EIF4G3: variants seen among roughly 807,000 people sequenced by gnomAD.
The protein encoded by EIF4G3 is eukaryotic translation initiation factor 4 gamma 3, also known as eIF-4-gamma 3.
EIF4G3 carries 34 observed loss-of-function variants against 186.4 expected under a neutral mutation model. That is an observed-to-expected ratio of 0.18 (90% CI 0.14 to 0.24). EIF4G3 has a LOEUF of 0.24. Ranked by LOEUF, EIF4G3 falls within the 10% of genes least tolerant of loss-of-function variation. EIF4G3 has a pLI of 1.00. For missense variants in EIF4G3, 1,536 were observed against 1,948.5 expected (o/e 0.79, Z 3.99); for synonymous variants, 673 against 679.5 (o/e 0.99, Z 0.15).
At position 20,930,044 on chromosome 1, in the gene EIF4G3, A is replaced by G. The variant is rs138024417; in HGVS notation, c.1663+11447T>C. Among the ~76,000 whole-genome samples, 596 of 152,334 alleles carry G rather than the reference A, an allele frequency of 3.9e-3. 5 individuals carry two copies. Among genetic ancestry groups the G allele is most frequent in the African/African-American group, 0.014 (574 of 41,566 alleles). On this transcript the variant is annotated intron_variant, in intron 14 of 36. Coordinates refer to ENST00000602326, the MANE Select transcript of EIF4G3 (RefSeq NM_001391906.1). Reference sequence around the variant, plus strand: ...TTATGTTTCTACTAAACTGTAGTCTATTAAGTGTGAAATAGCATTATGTCT... The same window carrying G: ...TTATGTTTCTACTAAACTGTAGTCTGTTAAGTGTGAAATAGCATTATGTCT...
At chr1:20,891,616 CA>C (rs11343165) in intron 18 of EIF4G3, among the ~76,000 whole-genome samples, 33,426 of 81,686 alleles carry the variant, frequency 0.41, 4,715 homozygotes, top group Non-Finnish European at 0.46. Flanking sequence ...ACTAAAAATA[CA>C]AAAAAAAAAA....
chr1:21,030,933 C>A (rs1323474674), intron 4 of EIF4G3, among the ~76,000 whole-genome samples: 1 of 152,112 alleles, frequency 6.6e-6, no homozygotes, highest in African/African-American at 2.4e-5. Context: ...TGCCTGTAAT[C>A]CCAGCAATTT....
chr1:21,153,382 A>G lies in EIF4G3; in HGVS notation c.-272+22793T>C, dbSNP rs538207854. On this transcript the variant is annotated intron_variant, in intron 2 of 36. Coordinates refer to ENST00000602326, the MANE Select transcript of EIF4G3 (RefSeq NM_001391906.1). ...GTAACATTTATTTTTAATAGCTGAG[A>G]CCATTTGAGAAGGAGGTGAGTTAAA... 5.9e-5 allele frequency among the ~76,000 whole-genome samples: 9 copies of G among 152,336 alleles called. No individual in the cohort carries two copies. In the South Asian group the frequency reaches 1.7e-3, roughly 28 times the overall value.
intron 2 of EIF4G3, among the ~76,000 whole-genome samples, chr1:21,159,502 C>T (rs965378779): frequency 1.3e-5 from 2 of 151,342 alleles, no homozygotes; most frequent in African/African-American, 2.4e-5. Context: ...TTTGGGAGGC[C>T]GAAGCGGGCT....
chr1:20,961,882 T>C (rs2154564708), intron 12 of EIF4G3, among the ~76,000 whole-genome samples: 1 of 152,326 alleles, frequency 6.6e-6, no homozygotes. Flanking sequence ...GTAACCACTA[T>C]TTTTATCGTA....
intron 18 of EIF4G3, 82 bp downstream of exon 18, chr1:20,893,435 G>T: frequency 7.2e-7 from 1 of 1,393,706 alleles, no homozygotes; most frequent in Non-Finnish European, 9.7e-7. Context: ...ACGAATAAAA[G>T]CTGCTGTCTT....
chr1:20,846,942 C>T (rs749810435), intron 29 of EIF4G3, among the ~76,000 whole-genome samples: 1 of 152,158 alleles, frequency 6.6e-6, no homozygotes, highest in Non-Finnish European at 1.5e-5. Context: ...TAATTTGAAT[C>T]ACTGTTAAAA....
At chr1:21,083,240 A>G (rs1430924775) in intron 3 of EIF4G3, among the ~76,000 whole-genome samples, 1 of 151,858 alleles carries the variant, frequency 6.6e-6, no homozygotes, top group Admixed American at 6.6e-5. Flanking sequence ...GACTCTGTTA[A>G]ATAAATAAAT....
chr1:20,938,151 C>A (rs1180107192), intron 14 of EIF4G3, among the ~76,000 whole-genome samples: 1 of 152,102 alleles, frequency 6.6e-6, no homozygotes, highest in African/African-American at 2.4e-5. Context: ...CGCATCACCA[C>A]TCCTGGGTAA....
In EIF4G3 at chr1:20,982,523, A is replaced by G. The variant is rs1173585873; in HGVS notation, c.178-115T>C. 2.1e-5 allele frequency: 13 copies of G among 628,678 alleles called. No individual in the cohort carries two copies. The South Asian group carries it at 3.2e-4, about 15-fold the overall frequency. 38.9% of individuals were successfully genotyped at this position (628,678 alleles called of 1,614,324 possible). On this transcript the variant is annotated intron_variant, in intron 7 of 36. Transcript: ENST00000602326. Reference sequence around the variant, plus strand: ...TGCAGCTCAACAAAAATATCTTTCTATTTAGTAATAATAGGAGAAGAAAGA... The same window carrying G: ...TGCAGCTCAACAAAAATATCTTTCTGTTTAGTAATAATAGGAGAAGAAAGA...
intron 12 of EIF4G3, among the ~76,000 whole-genome samples, chr1:20,962,664 C>T (rs1175320686): frequency 1.3e-5 from 2 of 152,072 alleles, no homozygotes; most frequent in Non-Finnish European, 2.9e-5. Context: ...TGGCAATGCA[C>T]TAAGCACAAT....
At chr1:20,834,583 G>A (rs1252439662) in intron 30 of EIF4G3, among the ~76,000 whole-genome samples, 2 of 151,992 alleles carry the variant, frequency 1.3e-5, no homozygotes, top group African/African-American at 4.8e-5. Context: ...AGAGGGCAGG[G>A]GTAGCTATAC....
At chr1:20,857,527 A>G in intron 24 of EIF4G3, 30 bp from the exon 25 acceptor site, 1 of 1,560,504 alleles carries the variant, frequency 6.4e-7, no homozygotes, top group Non-Finnish European at 8.8e-7. Flanking sequence ...GGAGTCTCTC[A>G]TCTGTCTCAA....
chr1:21,168,154 A>G (rs1046239021), intron 2 of EIF4G3: 8 of 417,374 alleles, frequency 1.9e-5, no homozygotes, highest in Non-Finnish European at 3.9e-5. Flanking sequence ...CTGTAATCCC[A>G]ACACTTTGGG....
intron 4 of EIF4G3, among the ~76,000 whole-genome samples, chr1:21,031,987 TGGACCTC>T (rs1249873469): frequency 1.1e-4 from 17 of 152,314 alleles, no homozygotes; most frequent in Admixed American, 1.1e-3. Flanking sequence ...GTATTAAGAA[TGGACCTC>T]TAAAAGAATC....
At chr1:20,889,657 A>AT (rs1454857800) in intron 18 of EIF4G3, among the ~76,000 whole-genome samples, 5 of 151,892 alleles carry the variant, frequency 3.3e-5, no homozygotes, top group Non-Finnish European at 5.9e-5. Context: ...CACCCGGCTA[A>AT]TTTTTTGTAT....
chr1:20,954,347 C>A (rs2096330439), intron 12 of EIF4G3, among the ~76,000 whole-genome samples: 2 of 151,722 alleles, frequency 1.3e-5, no homozygotes, highest in African/African-American at 4.8e-5. Context: ...ACCAGCCTGG[C>A]CAAGATGGTG....
intron 25 of EIF4G3, among the ~76,000 whole-genome samples, chr1:20,855,496 C>T (rs899436311): frequency 5.3e-5 from 8 of 152,186 alleles, no homozygotes; most frequent in African/African-American, 1.9e-4. Context: ...TTCATGTTGG[C>T]TAGAGACAGG....
chr1:21,131,446 T>C (rs1267496574), intron 2 of EIF4G3, among the ~76,000 whole-genome samples: 2 of 145,092 alleles, frequency 1.4e-5, no homozygotes, highest in African/African-American at 2.6e-5. Context: ...ACCTAGAATT[T>C]TCCAGAAAAA....
Sources: allele counts gnomAD v4.1 joint callset (sites outside exome capture counted in the v4.1 genomes callset), GRCh38; gene constraint gnomAD v4.1.1; transcripts MANE v1.5; gene names NCBI Gene and HGNC (gene_info 2026-07-23, HGNC 2026-07-21).